Variants in NAF1 observed in about 807,000 individuals in gnomAD.
The protein encoded by NAF1 is nuclear assembly factor 1 ribonucleoprotein.
NAF1 carries 11 observed loss-of-function variants against 40.6 expected under a neutral mutation model. The ratio of observed to expected loss-of-function variants is 0.27; its 90% CI spans 0.17 to 0.45. The LOEUF (loss-of-function observed/expected upper bound fraction) is 0.45. Ranked by LOEUF, NAF1 falls within the 20% of genes least tolerant of loss-of-function variation. NAF1 has a pLI of 1.00. For synonymous variants in NAF1, 260 were observed against 228.5 expected (o/e 1.14, Z -1.24); for missense variants, 607 against 611.1 (o/e 0.99, Z 0.07).
downstream of NAF1, among the ~76,000 whole-genome samples, chr4:163,105,387 T>G (rs569318192): frequency 3.0e-4 from 46 of 152,356 alleles, no homozygotes; most frequent in African/African-American, 1.1e-3. Context: ...TCAAAATGCT[T>G]AATAAATGTT....
At chr4:163,162,285 T>G (rs150703899) in intron 2 of NAF1, among the ~76,000 whole-genome samples, 1 of 152,216 alleles carries the variant, frequency 6.6e-6, no homozygotes, top group Middle Eastern at 3.2e-3. Flanking sequence ...AACTTAAGAT[T>G]TGAAACCCCG....
chr4:163,154,044 T>C (rs949688136), intron 2 of NAF1, among the ~76,000 whole-genome samples: 11 of 151,556 alleles, frequency 7.3e-5, no homozygotes, highest in Admixed American at 5.9e-4. Flanking sequence ...GCAGCTTCAC[T>C]CCTGAGCCAG....
Position 163,166,576 on chromosome 4 carries a change from G to A in NAF1, c.152C>T (p.Pro51Leu), listed in dbSNP as rs763463953. Residue 51 changes from proline to leucine, a missense_variant, in exon 1 of 8, where the codon CCG becomes CTG. By Grantham distance (98) the Pro-to-Leu change is moderately conservative. This residue lies in a region of NAF1 where 407 missense variants were observed against 365.5 expected (regional missense o/e 1.11). Transcript: ENST00000274054. ...QPPLQSFEGS[P>L]DAGQTVEVKP... ...AACCTCCACGGTCTGCCCAGCGTCCGGGGACCCCTCAAACGACTGTAGCGG... is the reference window on the plus strand; with the variant it reads ...AACCTCCACGGTCTGCCCAGCGTCCAGGGACCCCTCAAACGACTGTAGCGG... 21 of 1,609,184 alleles carry A rather than the reference G, an allele frequency of 1.3e-5. No homozygotes were observed. The highest frequency in any genetic ancestry group is 1.5e-5 in the Non-Finnish European group (18 of 1,178,482).
intron 2 of NAF1, among the ~76,000 whole-genome samples, chr4:163,114,887 G>C (rs1730277649): frequency 6.6e-6 from 1 of 151,990 alleles, no homozygotes; most frequent in Admixed American, 6.5e-5. Flanking sequence ...TTTCCATATG[G>C]TTTCTACTTA....
chr4:163,133,479 G>T, intron 6 of NAF1: 1 of 418,204 alleles, frequency 2.4e-6, no homozygotes, highest in Non-Finnish European at 4.3e-6. Flanking sequence ...CCAGTAATCA[G>T]CCTTCAGATA....
chr4:163,140,081 G>A, intron 5 of NAF1, 142 bp downstream of exon 5: 1 of 601,438 alleles, frequency 1.7e-6, no homozygotes, highest in Non-Finnish European at 2.6e-6. Flanking sequence ...TAAATTGTAG[G>A]CTTCAAAGAT....
chr4:163,165,745 C>A lies in NAF1; in HGVS notation c.365+618G>T, dbSNP rs138471001. On this transcript the variant is annotated intron_variant, in intron 1 of 7. Coordinates refer to ENST00000274054, the MANE Select transcript of NAF1 (RefSeq NM_138386.3). ...CCACATGCTGGAGTCCTCTCCAGCCCAGAGATTTCATATTTAAAAGACAGG... is the reference window on the plus strand; with the variant it reads ...CCACATGCTGGAGTCCTCTCCAGCCAAGAGATTTCATATTTAAAAGACAGG... Among the ~76,000 whole-genome samples, 58 of 152,176 alleles carry A rather than the reference C, an allele frequency of 3.8e-4. No homozygotes were observed. The East Asian group carries it at 8.7e-3, about 23-fold the overall frequency.
intron 2 of NAF1, chr4:163,120,097 G>T (rs1224110456): frequency 1.3e-5 from 2 of 152,234 alleles, no homozygotes; most frequent in Non-Finnish European, 2.9e-5. Context: ...ATGAAATGCT[G>T]CATGATACAT....
intron 2 of NAF1, among the ~76,000 whole-genome samples, chr4:163,153,542 C>T (rs1731829565): frequency 6.6e-6 from 1 of 151,764 alleles, no homozygotes; most frequent in South Asian, 2.1e-4. Context: ...CAATCAGCAC[C>T]CTGTGTTTAG....
intron 2 of NAF1, chr4:163,158,076 G>A (rs920046895): frequency 6.6e-6 from 1 of 152,094 alleles, no homozygotes; most frequent in South Asian, 2.1e-4. Flanking sequence ...GAGGTTGGTG[G>A]GAGAAGGAAT....
the NAF1 span, among the ~76,000 whole-genome samples, chr4:163,103,946 T>C: frequency 1.3e-5 from 2 of 152,158 alleles, 1 homozygote; most frequent in South Asian, 4.1e-4. Flanking sequence ...AATAAAGCTG[T>C]TTATTTCACC....
intron 1 of NAF1, 71 bp downstream of exon 1, chr4:163,166,292 C>T: frequency 6.6e-7 from 1 of 1,504,422 alleles, no homozygotes; most frequent in East Asian, 2.3e-5. Flanking sequence ...CTCTAGGCTC[C>T]TAGGCCCCAG....
intron 2 of NAF1, among the ~76,000 whole-genome samples, chr4:163,153,715 A>T (rs1161087246): frequency 1.3e-5 from 2 of 152,304 alleles, no homozygotes; most frequent in East Asian, 3.9e-4. Context: ...CAGCGCCCTG[A>T]CAAAACAGGC....
At chr4:163,141,979 AGT>A in intron 4 of NAF1, 1 of 942,434 alleles carries the variant, frequency 1.1e-6, no homozygotes, top group Non-Finnish European at 1.3e-6. Context: ...AAAAAGAAGT[AGT>A]GACATTAAAA....
chr4:163,118,730 G>A (rs1380838638), intron 2 of NAF1, among the ~76,000 whole-genome samples: 1 of 152,082 alleles, frequency 6.6e-6, no homozygotes, highest in Non-Finnish European at 1.5e-5. Context: ...TCCAGGCTGG[G>A]CGACAGAGAG....
At chr4:163,113,184 A>G (rs541012750) in intron 2 of NAF1, among the ~76,000 whole-genome samples, 1 of 152,306 alleles carries the variant, frequency 6.6e-6, no homozygotes, top group South Asian at 2.1e-4. Flanking sequence ...AATAATACAT[A>G]TATAGATAGT....
chr4:163,106,394 C>A (rs1267048570), downstream of NAF1, among the ~76,000 whole-genome samples: 1 of 152,182 alleles, frequency 6.6e-6, no homozygotes, highest in African/African-American at 2.4e-5. Flanking sequence ...TTTAATACTT[C>A]AGTCCCACTG....
At chr4:163,144,525 G>T (rs1156309972) in intron 4 of NAF1, among the ~76,000 whole-genome samples, 1 of 152,076 alleles carries the variant, frequency 6.6e-6, no homozygotes, top group Admixed American at 6.6e-5. Flanking sequence ...TTCATATTCT[G>T]GTTATTGGTT....
the NAF1 span, among the ~76,000 whole-genome samples, chr4:163,104,003 T>C: frequency 7.3e-5 from 11 of 149,684 alleles, 1 homozygote; most frequent in East Asian, 4.0e-4. Context: ...AGAAGGGAGA[T>C]AGGGGTGGGG....
Sources: gnomAD v4.1 joint callset for allele counts (sites outside exome capture counted in the v4.1 genomes callset) on GRCh38, gnomAD v4.1.1 for gene constraint, gnomAD v4.1.1 regional missense constraint, MANE v1.5 for transcripts, NCBI Gene and HGNC (gene_info 2026-07-23, HGNC 2026-07-21) for gene names.